Variants in RCL1 observed in about 807,000 individuals in gnomAD.
RCL1 encodes the protein RNA 3'-terminal phosphate cyclase-like protein.
Under a neutral mutation model 42.4 loss-of-function variants are expected in RCL1, and 24 were observed. The observed-to-expected ratio is 0.57, with a 90% CI of 0.41 to 0.80. The LOEUF (loss-of-function observed/expected upper bound fraction) is 0.80. Among genes scored for constraint, RCL1 ranks in the 30% least tolerant of loss-of-function variants. The pLI, the probability that RCL1 is intolerant of heterozygous loss-of-function variation, is 0.00. For synonymous variants in RCL1, 228 were observed against 177.3 expected (o/e 1.29, Z -2.27); for missense variants, 578 against 467.9 (o/e 1.24, Z -2.17).
At chr9:4,854,775 G>A (rs1259886923) in intron 8 of RCL1, among the ~76,000 whole-genome samples, 1 of 152,144 alleles carries the variant, frequency 6.6e-6, no homozygotes, top group Non-Finnish European at 1.5e-5. Flanking sequence ...TACATAGGAA[G>A]GCCGGGTGCG....
intron 2 of RCL1, among the ~76,000 whole-genome samples, chr9:4,824,924 C>T (rs1021818595): frequency 1.3e-5 from 2 of 152,040 alleles, no homozygotes; most frequent in African/African-American, 2.4e-5. Flanking sequence ...TTTTTTGTGT[C>T]TGTGTGAGAC....
At chr9:4,841,427 C>T (rs1817322985) in intron 6 of RCL1, 70 bp downstream of exon 6, 5 of 1,259,610 alleles carry the variant, frequency 4.0e-6, no homozygotes, top group East Asian at 4.7e-5. Flanking sequence ...GAAGTTAAAA[C>T]TGCCAGCTCT....
intron 2 of RCL1, among the ~76,000 whole-genome samples, chr9:4,824,639 G>A (rs1015254232): frequency 1.3e-5 from 2 of 151,984 alleles, no homozygotes; most frequent in Non-Finnish European, 2.9e-5. Flanking sequence ...CTACCTTTCC[G>A]CACACATTCC....
chr9:4,825,339 T>G (rs1469484243), intron 2 of RCL1, among the ~76,000 whole-genome samples: 2 of 152,140 alleles, frequency 1.3e-5, no homozygotes, highest in African/African-American at 4.8e-5. Flanking sequence ...GGCTAATTTG[T>G]ATAAATAAAC....
At chr9:4,807,132 C>T (rs563599169) in intron 1 of RCL1, among the ~76,000 whole-genome samples, 25 of 152,176 alleles carry the variant, frequency 1.6e-4, no homozygotes, top group African/African-American at 4.3e-4. Flanking sequence ...TCTGTGGGGG[C>T]GTGGGGGTGT....
At chr9:4,840,202 T>A (rs1289759279) in intron 5 of RCL1, among the ~76,000 whole-genome samples, 1 of 152,188 alleles carries the variant, frequency 6.6e-6, no homozygotes, top group Non-Finnish European at 1.5e-5. Context: ...GCAGTTCAGA[T>A]GAAAATTAAA....
intron 1 of RCL1, among the ~76,000 whole-genome samples, chr9:4,812,776 G>C (rs1816225335): frequency 6.6e-6 from 1 of 151,982 alleles, no homozygotes; most frequent in Non-Finnish European, 1.5e-5. Context: ...TCCTTTTAGA[G>C]AGCTTTCACT....
chr9:4,821,696 C>G (rs1816601805), intron 1 of RCL1, among the ~76,000 whole-genome samples: 1 of 152,090 alleles, frequency 6.6e-6, no homozygotes, highest in Non-Finnish European at 1.5e-5. Flanking sequence ...TCCAGTCTGG[C>G]CTTCAACTCG....
chr9:4,841,957 C>G (rs1817345295), intron 6 of RCL1, among the ~76,000 whole-genome samples: 1 of 152,236 alleles, frequency 6.6e-6, no homozygotes, highest in African/African-American at 2.4e-5. Flanking sequence ...TATTTAGCAA[C>G]TAGGAAGTTA....
chr9:4,856,393 A>G (rs1040701528), intron 8 of RCL1, among the ~76,000 whole-genome samples: 5 of 152,152 alleles, frequency 3.3e-5, no homozygotes, highest in African/African-American at 1.2e-4. Flanking sequence ...TTTACTGAGA[A>G]CCTTTACAGT....
chr9:4,837,522 A>T (rs995009056), intron 5 of RCL1, among the ~76,000 whole-genome samples: 11 of 152,038 alleles, frequency 7.2e-5, no homozygotes. Context: ...TTTGGAATCC[A>T]GTCTCTGTAG....
Position 4,860,278 on chromosome 9 carries a change from A to G in RCL1, c.*3A>G, listed in dbSNP as rs1295680082. The G allele has an allele frequency of 1.2e-6, 2 of 1,611,986 alleles. No individual in the cohort carries two copies. The highest frequency in any genetic ancestry group is 1.7e-6 in the Non-Finnish European group (2 of 1,179,358). On this transcript the variant is annotated 3_prime_UTR_variant, in exon 9 of 9. Coordinates refer to ENST00000381750, the MANE Select transcript of RCL1 (RefSeq NM_005772.5). ...ACCTTAGCAAGACCCTCAAGTGATA[A>G]CCATCACAAGATAAGGCCCCAATGC...
Position 4,823,619 on chromosome 9 carries a change from G to A in RCL1, c.208G>A (p.Gly70Arg). The A allele has an allele frequency of 6.2e-7, 1 of 1,605,366 alleles. No homozygotes were observed. Among genetic ancestry groups the A allele is most frequent in the Non-Finnish European group, 8.5e-7 (1 of 1,175,528 alleles). The change falls in exon 2 of 9, where the codon GGA (glycine) becomes AGA (arginine). Residue 70 changes from glycine (G) to arginine (R), a missense_variant and splice_region_variant. Physicochemically the swap from Gly to Arg is moderately radical, Grantham distance 125. Coordinates refer to ENST00000381750, the MANE Select transcript of RCL1 (RefSeq NM_005772.5). ...NGSRIEINQT[G>R]TTLYYQPGLL... ...TTCTCGAATTGAAATAAACCAAACA[G>A]GTAAGCTCCTTTTAGATTCCTAAAA...
intron 1 of RCL1, among the ~76,000 whole-genome samples, chr9:4,803,016 T>C (rs1054941102): frequency 7.5e-6 from 1 of 133,020 alleles, no homozygotes; most frequent in African/African-American, 2.8e-5. Flanking sequence ...TCCTTTTTCC[T>C]TTTTTTTTTT....
At chr9:4,810,252 G>C (rs1319459694) in intron 1 of RCL1, among the ~76,000 whole-genome samples, 2 of 152,112 alleles carry the variant, frequency 1.3e-5, no homozygotes, top group Non-Finnish European at 2.9e-5. Flanking sequence ...AGTTTGATGA[G>C]TTATTACTGT....
At chr9:4,795,326 G>A (rs187574940) in intron 1 of RCL1, among the ~76,000 whole-genome samples, 2 of 152,082 alleles carry the variant, frequency 1.3e-5, no homozygotes, top group African/African-American at 4.8e-5. Context: ...CAGGTGATCC[G>A]CCTGCCTTGG....
chr9:4,819,161 A>G (rs763362707), intron 1 of RCL1, among the ~76,000 whole-genome samples: 37 of 152,260 alleles, frequency 2.4e-4, no homozygotes, highest in Admixed American at 5.2e-4. Context: ...CCTCAACCCC[A>G]GACAGGGCAG....
chr9:4,823,658 C>G (rs1261628962), intron 2 of RCL1, 39 bp downstream of exon 2: 1 of 1,359,696 alleles, frequency 7.4e-7, no homozygotes, highest in African/African-American at 1.5e-5. Context: ...CCTCCATGCA[C>G]TAAAGCATTC....
At chr9:4,858,129 G>A (rs1818026678) in intron 8 of RCL1, among the ~76,000 whole-genome samples, 1 of 151,860 alleles carries the variant, frequency 6.6e-6, no homozygotes, top group East Asian at 1.9e-4. Flanking sequence ...GCCTGCCTTG[G>A]CCTCCCAAAC....
Sources: gnomAD v4.1 joint callset for allele counts (sites outside exome capture counted in the v4.1 genomes callset) on GRCh38, gnomAD v4.1.1 for gene constraint, MANE v1.5 for transcripts, NCBI Gene and HGNC (gene_info 2026-07-23, HGNC 2026-07-21) for gene names.